Variants in ATM observed in about 807,000 individuals in gnomAD.
ATM encodes ATM serine/threonine kinase.
Under a neutral mutation model 387.0 loss-of-function variants are expected in ATM, and 308 were observed. The ratio of observed to expected loss-of-function variants is 0.80; its 90% confidence interval spans 0.73 to 0.87. ATM has a LOEUF of 0.87. ATM is among the 40% of genes least tolerant of loss of function. ATM has a pLI of 0.00. For missense variants in ATM, 3,312 were observed against 3,560.9 expected (o/e 0.93, Z 1.78); for synonymous variants, 1,156 against 1,187.3 (o/e 0.97, Z 0.54).
Position 108,292,621 on chromosome 11 carries a change from C to T in ATM, c.4439C>T (p.Pro1480Leu), listed in dbSNP as rs200456625. 2.5e-6 allele frequency: 4 copies of T among 1,613,634 alleles called. No homozygotes were observed. Among genetic ancestry groups the T allele is most frequent in the Non-Finnish European group, 2.5e-6 (3 of 1,179,864 alleles). Residue 1480 changes from proline (P) to leucine (L), a missense_variant and splice_region_variant, in exon 30 of 63, where the codon CCT becomes CTT. By Grantham distance (98) the Pro-to-Leu change is moderately conservative (BLOSUM62 -3). This residue lies in a region of ATM where 1,791 missense variants were observed against 1,804.5 expected (regional missense o/e 0.99). Coordinates refer to ENST00000675843, the MANE Select transcript of ATM (RefSeq NM_000051.4). Reference protein sequence around the residue: ...YTLIHYINQRPSCIMDVSLRS... With the variant: ...YTLIHYINQRLSCIMDVSLRS... Reference sequence around the variant, plus strand: ...GTTTTTTTTTCTCCCTATATTAGGCCTTCTTGTATCATGGATGTGTCATTA... The same window carrying T: ...GTTTTTTTTTCTCCCTATATTAGGCTTTCTTGTATCATGGATGTGTCATTA...
chr11:108,279,302 T>TA (rs2082101034), intron 22 of ATM, among the ~76,000 whole-genome samples, 189 bp from the exon 23 acceptor site: 1 of 152,214 alleles, frequency 6.6e-6, no homozygotes, highest in Non-Finnish European at 1.5e-5. Context: ...TTCAAGACCT[T>TA]AATACTAAGC....
At position 108,326,223 on chromosome 11, in the gene ATM, G is replaced by A; in HGVS notation, c.6973G>A (p.Ala2325Thr). Residue 2325 changes from alanine (A) to threonine (T), a missense_variant and splice_region_variant, in exon 47 of 63, where the codon GCG (alanine) becomes ACG (threonine). Physicochemically the swap from Ala to Thr is moderately conservative, Grantham distance 58. This residue lies in a region of ATM where 1,405 missense variants were observed against 1,604.4 expected (regional missense o/e 0.88). Transcript: ENST00000675843. The part of the protein sequence containing the change: ...MIKKLDASCA[A>T]NNPSLKLTYT... The stretch of plus-strand genomic sequence containing the variant: ...CAAGAAGTTGGATGCCAGCTGTGCA[G>A]CGGTTTGTTTTTTTTATTGGCTGGA... 6.2e-7 allele frequency: 1 copy of A among 1,614,050 alleles called. No individual in the cohort carries two copies. The highest frequency in any genetic ancestry group is 8.5e-7 in the Non-Finnish European group (1 of 1,180,008).
At chr11:108,338,419 C>T (rs1426926932) in intron 56 of ATM, among the ~76,000 whole-genome samples, 1 of 152,090 alleles carries the variant, frequency 6.6e-6, no homozygotes, top group Non-Finnish European at 1.5e-5. Flanking sequence ...CTTTGAGAGG[C>T]CAAGGCAGGA....
At chr11:108,337,535 G>A (rs2086980230) in intron 56 of ATM, among the ~76,000 whole-genome samples, 1 of 152,064 alleles carries the variant, frequency 6.6e-6, no homozygotes. Flanking sequence ...GCAAGATTAG[G>A]GTAGAACCTG....
chr11:108,331,568 CTGAA>C lies in ATM; in HGVS notation c.7629+12_7629+15del, dbSNP rs1555124156. 2.5e-6 allele frequency: 4 copies of C among 1,602,652 alleles called. No individual in the cohort carries two copies. The highest frequency in any genetic ancestry group is 3.4e-6 in the Non-Finnish European group (4 of 1,175,318). On this transcript the variant is annotated intron_variant, in intron 51 of 62. Transcript: ENST00000675843. ...GAAGTCCTCAATAATGTAAGTAAAC[CTGAA>C]AATCAAACCACAATAATTATTTTTA...
intron 29 of ATM, 182 bp downstream of exon 29, chr11:108,289,983 G>A (rs1003043854): frequency 2.5e-5 from 14 of 563,588 alleles, no homozygotes; most frequent in Admixed American, 3.1e-5. Flanking sequence ...TCACCCTGCC[G>A]GGTAGCTGGG....
chr11:108,279,291 A>G (rs1299218744), intron 22 of ATM, among the ~76,000 whole-genome samples, 200 bp from the exon 23 acceptor site: 1 of 152,242 alleles, frequency 6.6e-6, no homozygotes, highest in Non-Finnish European at 1.5e-5. Flanking sequence ...TAGATTTTGT[A>G]TTCAAGACCT....
chr11:108,251,929 A>G lies in ATM; in HGVS notation c.1700A>G (p.Asn567Ser), dbSNP rs786203230. The change falls in exon 11 of 63, where the codon AAT becomes AGT. Residue 567 changes from asparagine to serine, a missense_variant. Physicochemically the swap from Asn to Ser is conservative, Grantham distance 46 (BLOSUM62 1). This residue lies in a region of ATM where 1,791 missense variants were observed against 1,804.5 expected (regional missense o/e 0.99). Transcript: ENST00000675843. ...ATAGAGCAAAATATGTGTGAAGTAA[A>G]TAGAAGCTTTTCTTTAAAGGAATCA... is the stretch of plus-strand genomic sequence containing the variant. Reference protein sequence around the residue: ...MGIEQNMCEVNRSFSLKESIM... With the variant: ...MGIEQNMCEVSRSFSLKESIM... 1.9e-6 allele frequency: 3 copies of G among 1,613,952 alleles called. No individual in the cohort carries two copies. The highest frequency in any genetic ancestry group is 2.5e-6 in the Non-Finnish European group (3 of 1,179,818).
In ATM at chr11:108,327,692, T is replaced by C. The variant is rs878853537; in HGVS notation, c.7023T>C (p.Cys2341=). 6.2e-7 allele frequency: 1 copy of C among 1,614,072 alleles called. No individual in the cohort carries two copies. The highest frequency in any genetic ancestry group is 8.5e-7 in the Non-Finnish European group (1 of 1,179,972). The change falls in exon 48 of 63, where the codon TGT becomes TGC. Residue 2341 remains cysteine, a synonymous_variant. Transcript: ENST00000675843. ...CATACACAGAATGTCTGAGGGTTTG[T>C]GGCAACTGGTTAGCAGAAACGTGCT... The part of the protein sequence containing the change: ...KLTYTECLRV[C]GNWLAETCLE...
chr11:108,280,898 T>C, intron 23 of ATM, 97 bp from the exon 24 acceptor site: 1 of 1,138,868 alleles, frequency 8.8e-7, no homozygotes, highest in Non-Finnish European at 1.3e-6. Context: ...GAAATGTGTA[T>C]AGCTTGTCAA....
chr11:108,328,911 CT>C lies in ATM; in HGVS notation c.7090-106del. On this transcript the variant is annotated intron_variant, in intron 48 of 62. Coordinates refer to ENST00000675843, the MANE Select transcript of ATM (RefSeq NM_000051.4). ...GCAATAGTTCATATAATTTAGCTAGCTTTTATATGTATATAAGTTAAATTTT... is the reference window on the plus strand; with the variant it reads ...GCAATAGTTCATATAATTTAGCTAGCTTTATATGTATATAAGTTAAATTTT... The C allele has an allele frequency of 3.4e-6, 4 of 1,177,806 alleles. No individual in the cohort carries two copies. In the East Asian group the frequency reaches 1.0e-4, roughly 30 times the overall value. The allele number at this position is 1,177,806 out of a possible 1,614,324, so 73.0% of individuals were successfully genotyped here. A position where few individuals can be genotyped will look rare whatever the true frequency, so the allele number is the denominator to read the frequency against.
chr11:108,257,369 G>A (rs996789082), intron 14 of ATM, 112 bp from the exon 15 acceptor site: 40 of 1,289,054 alleles, frequency 3.1e-5, no homozygotes, highest in Middle Eastern at 5.3e-4. Context: ...TTTCTCTTAA[G>A]TGCACTTTAT....
Position 108,244,232 on chromosome 11 carries a change from A to G in ATM, c.662+114A>G, listed in dbSNP as rs1046091078. 8 of 1,223,108 alleles carry G rather than the reference A, an allele frequency of 6.5e-6. No individual in the cohort carries two copies. In the South Asian group the frequency reaches 1.0e-4, roughly 16 times the overall value. The allele number at this position is 1,223,108 out of a possible 1,614,324, so 75.8% of individuals were successfully genotyped here. On this transcript the variant is annotated intron_variant, in intron 6 of 62. Transcript: ENST00000675843. Reference sequence around the variant, plus strand: ...CCTTAAAATAAAACATTGATCCATCATAACAGAACTAGTGGATTCCTAAAG... The same window carrying G: ...CCTTAAAATAAAACATTGATCCATCGTAACAGAACTAGTGGATTCCTAAAG...
At chr11:108,254,603 A>C (rs1034558767) in intron 13 of ATM, among the ~76,000 whole-genome samples, 2 of 152,176 alleles carry the variant, frequency 1.3e-5, no homozygotes, top group South Asian at 4.1e-4. Flanking sequence ...GATCATCCAC[A>C]TGTGAAAATC....
chr11:108,297,087 G>A (rs1429068210), intron 32 of ATM, 200 bp from the exon 33 acceptor site: 5 of 563,450 alleles, frequency 8.9e-6, no homozygotes, highest in Non-Finnish European at 1.6e-5. Flanking sequence ...GTCACATATT[G>A]CTAATCACTT....
intron 6 of ATM, 32 bp downstream of exon 6, chr11:108,244,150 T>C: frequency 6.2e-7 from 1 of 1,611,442 alleles, no homozygotes; most frequent in Non-Finnish European, 8.5e-7. Context: ...TTGTTTTGTA[T>C]TGAAATACTT....
intron 47 of ATM, among the ~76,000 whole-genome samples, chr11:108,327,066 A>T (rs1412496471): frequency 6.6e-6 from 1 of 152,058 alleles, no homozygotes; most frequent in Non-Finnish European, 1.5e-5. Context: ...GAGCTCAGGC[A>T]ATCTACCCGC....
At position 108,307,938 on chromosome 11, in the gene ATM, C is replaced by A; in HGVS notation, c.5716C>A (p.Gln1906Lys). 6.2e-7 allele frequency: 1 copy of A among 1,613,884 alleles called. No individual in the cohort carries two copies. Among genetic ancestry groups the A allele is most frequent in the Non-Finnish European group, 8.5e-7 (1 of 1,179,900 alleles). The part of the protein sequence containing the change: ...FFRCCLDKKS[Q>K]RTMLAVVDYM... ...CCGATGCTGTTTGGATAAAAAATCA[C>A]AAAGAACAATGCTTGCTGTTGTGGA... Residue 1906 changes from glutamine (Q) to lysine (K), a missense_variant, in exon 38 of 63, where the codon CAA becomes AAA. Around this residue, in one of 4 missense-constraint regions of ATM, gnomAD observed 1,405 missense variants for 1,604.4 expected, o/e 0.88. Coordinates refer to ENST00000675843, the MANE Select transcript of ATM (RefSeq NM_000051.4).
At position 108,304,698 on chromosome 11, in the gene ATM, T is replaced by C. The variant is rs1591717575; in HGVS notation, c.5520T>C (p.Thr1840=). ...AGGTGAAAACTGACTTTTGTCAGAC[T>C]GTACTTCCATACTTGATTCATGATA... ...MCEVKTDFCQ[T]VLPYLIHDIL... Residue 1840 remains threonine, a synonymous_variant, in exon 37 of 63, where the codon ACT becomes ACC. Transcript: ENST00000675843. 1 of 1,614,030 alleles carries C rather than the reference T, an allele frequency of 6.2e-7. No homozygotes were observed. The highest frequency in any genetic ancestry group is 8.5e-7 in the Non-Finnish European group (1 of 1,179,956).
Sources: allele counts gnomAD v4.1 joint callset (sites outside exome capture counted in the v4.1 genomes callset), GRCh38; gene constraint gnomAD v4.1.1; regional missense constraint gnomAD v4.1.1; transcripts MANE v1.5; gene names NCBI Gene and HGNC (gene_info 2026-07-23, HGNC 2026-07-21).